Variants in SV2B observed in about 807,000 individuals in gnomAD.
SV2B encodes synaptic vesicle glycoprotein 2B.
SV2B carries 41 observed loss-of-function variants against 73.9 expected under a neutral mutation model. The ratio of observed to expected loss-of-function variants is 0.56; its 90% CI spans 0.43 to 0.72. The LOEUF (loss-of-function observed/expected upper bound fraction) is 0.72. Among genes scored for constraint, SV2B ranks in the 30% least tolerant of loss-of-function variants. The pLI, the probability that SV2B is intolerant of heterozygous loss-of-function variation, is 0.00. For synonymous variants in SV2B, 314 were observed against 314.2 expected, an observed-to-expected ratio of 1.00 and a Z score of 0.01; for missense variants, 764 against 857.8, an observed-to-expected ratio of 0.89 and a Z score of 1.37.
rs1474987974 is a variant in SV2B at position 91,236,501 on chromosome 15, G to C, written c.451+9787G>C. Among the ~76,000 whole-genome samples the C allele has an allele frequency of 2.0e-5, 3 of 152,198 alleles. No individual in the cohort carries two copies. Among genetic ancestry groups the C allele is most frequent in the Non-Finnish European group, 4.4e-5 (3 of 68,036 alleles). On this transcript the variant is annotated intron_variant, in intron 2 of 12. Coordinates refer to ENST00000394232, the MANE Select transcript of SV2B (RefSeq NM_001323032.3). The surrounding 1 kb of genome is among the most constrained non-coding windows in gnomAD (Gnocchi z 4.1). The stretch of plus-strand genomic sequence containing the variant: ...ATATTTACTGAGAATGGAGGTGGAA[G>C]TTGCAGAGTTGGGAGTGGGCTGGAA...
chr15:91,173,210 C>T (rs1331358296), intron 1 of SV2B, among the ~76,000 whole-genome samples: 1 of 152,108 alleles, frequency 6.6e-6, no homozygotes, highest in Non-Finnish European at 1.5e-5. Flanking sequence ...GCGACATGCC[C>T]TAAGGAGGTA....
chr15:91,169,461 GGA>G (rs2044042304), intron 1 of SV2B, among the ~76,000 whole-genome samples: 1 of 124,526 alleles, frequency 8.0e-6, no homozygotes, highest in Non-Finnish European at 1.6e-5. Flanking sequence ...GGCTATTTAA[GGA>G]GAACTTAGTA....
At chr15:91,221,656 G>T (rs1160700376) in intron 1 of SV2B, among the ~76,000 whole-genome samples, 1 of 142,392 alleles carries the variant, frequency 7.0e-6, no homozygotes, top group Non-Finnish European at 1.5e-5. Context: ...CTTTGTCCAG[G>T]CCTCACCTCA....
chr15:91,257,277 C>T (rs976156005), intron 4 of SV2B, among the ~76,000 whole-genome samples: 2 of 152,164 alleles, frequency 1.3e-5, no homozygotes, highest in African/African-American at 4.8e-5. Flanking sequence ...CATGACAAAT[C>T]TATGGAGGTA....
At chr15:91,133,886 G>A (rs1031505436) in intron 1 of SV2B, among the ~76,000 whole-genome samples, 1 of 152,118 alleles carries the variant, frequency 6.6e-6, no homozygotes, top group Non-Finnish European at 1.5e-5. Context: ...TGCATACTTG[G>A]AGCTCGGAAA....
chr15:91,158,487 G>A (rs1302262099), intron 1 of SV2B, among the ~76,000 whole-genome samples: 2 of 151,826 alleles, frequency 1.3e-5, no homozygotes, highest in Non-Finnish European at 2.9e-5. Flanking sequence ...AGGAAGCGGA[G>A]TGACCAGTTA....
At chr15:91,112,708 T>C (rs562049027) in intron 1 of SV2B, among the ~76,000 whole-genome samples, 9 of 152,346 alleles carry the variant, frequency 5.9e-5, no homozygotes, top group Non-Finnish European at 1.2e-4. Context: ...TTTCTCTTTT[T>C]CCTCATCATT....
rs2046627967 is a variant in SV2B, at chr15:91,232,761, C to A, written c.451+6047C>A. On this transcript the variant is annotated intron_variant, in intron 2 of 12. Coordinates refer to ENST00000394232, the MANE Select transcript of SV2B (RefSeq NM_001323032.3). This position sits in a 1 kb window ranked among gnomAD's most constrained non-coding sequence, Gnocchi z 4.7. ...ATTTTAGATTCAGTGGGTACATGTG[C>A]AGGTTTGTTACATAGATATATTGTA... 6.6e-6 allele frequency among the ~76,000 whole-genome samples: 1 copy of A among 152,084 alleles called. No individual in the cohort carries two copies. The highest frequency in any genetic ancestry group is 2.4e-5 in the African/African-American group (1 of 41,398).
At chr15:91,216,207 G>A (rs920535385) in intron 1 of SV2B, among the ~76,000 whole-genome samples, 1 of 152,162 alleles carries the variant, frequency 6.6e-6, no homozygotes, top group Non-Finnish European at 1.5e-5. Context: ...CAGCCCACGG[G>A]TTGATGTAAT....
Position 91,224,444 on chromosome 15 carries a change from C to T in SV2B, c.-391-1429C>T, listed in dbSNP as rs1241348994. On this transcript the variant is annotated intron_variant, in intron 1 of 12. Transcript: ENST00000394232. The surrounding 1 kb of genome is among the most constrained non-coding windows in gnomAD (Gnocchi z 4.9). ...GGGGCTGACGCCTAGCCCTGAGGGG[C>T]TACTCAGTGAGGCGGGGCCTCAGAG... Among the ~76,000 whole-genome samples the T allele has an allele frequency of 6.6e-6, 1 of 152,142 alleles. No homozygotes were observed. The highest frequency in any genetic ancestry group is 1.9e-4 in the East Asian group (1 of 5,192).
intron 1 of SV2B, among the ~76,000 whole-genome samples, chr15:91,192,813 C>T (rs1468659742): frequency 2.6e-5 from 4 of 152,096 alleles, no homozygotes; most frequent in South Asian, 2.1e-4. Context: ...CGATGCAGAC[C>T]TTAGGGACTG....
chr15:91,258,316 G>T lies in SV2B; in HGVS notation c.785-105G>T. Reference sequence around the variant, plus strand: ...CTGCATTTTAACCACCTCCCCGGGTGACTCTCTTGTGCCCTGAAGTTTGTG... The same window carrying T: ...CTGCATTTTAACCACCTCCCCGGGTTACTCTCTTGTGCCCTGAAGTTTGTG... On this transcript the variant is annotated intron_variant, in intron 4 of 12. Coordinates refer to ENST00000394232, the MANE Select transcript of SV2B (RefSeq NM_001323032.3). This position sits in a 1 kb window ranked among gnomAD's most constrained non-coding sequence, Gnocchi z 4.7. 1 of 1,496,670 alleles carries T rather than the reference G, an allele frequency of 6.7e-7. No individual in the cohort carries two copies. The highest frequency in any genetic ancestry group is 1.4e-5 in the South Asian group (1 of 71,510). 92.7% of individuals were successfully genotyped at this position (1,496,670 alleles called of 1,614,324 possible).
At chr15:91,230,245 A>T (rs76882980) in intron 2 of SV2B, among the ~76,000 whole-genome samples, 2 of 134,354 alleles carry the variant, frequency 1.5e-5, no homozygotes, top group South Asian at 2.3e-4. Flanking sequence ...TGTCTCATTT[A>T]AAAAAAAAAA....
chr15:91,175,852 C>G (rs990077962), intron 1 of SV2B, among the ~76,000 whole-genome samples: 3 of 150,374 alleles, frequency 2.0e-5, no homozygotes, highest in African/African-American at 7.3e-5. Flanking sequence ...TTTTTTTGTT[C>G]CCATATATGA....
At position 91,229,082 on chromosome 15, in the gene SV2B, G is replaced by T. The variant is rs1463291087; in HGVS notation, c.451+2368G>T. On this transcript the variant is annotated intron_variant, in intron 2 of 12. Coordinates refer to ENST00000394232, the MANE Select transcript of SV2B (RefSeq NM_001323032.3). This position sits in a 1 kb window ranked among gnomAD's most constrained non-coding sequence, Gnocchi z 4.3. ...CCACACCATACTGCCTTTCTCTCAC[G>T]CCTCGTTTGTGGGAAGGAGGTCATG... 6.6e-6 allele frequency among the ~76,000 whole-genome samples: 1 copy of T among 152,184 alleles called. No individual in the cohort carries two copies. The highest frequency in any genetic ancestry group is 1.5e-5 in the Non-Finnish European group (1 of 68,038).
At chr15:91,119,135 A>G (rs572631814) in intron 1 of SV2B, among the ~76,000 whole-genome samples, 1 of 152,374 alleles carries the variant, frequency 6.6e-6, no homozygotes, top group South Asian at 2.1e-4. Flanking sequence ...CAGGGAGCAT[A>G]TCTTTGCAAG....
chr15:91,275,526 A>C (rs1031900232), intron 9 of SV2B, among the ~76,000 whole-genome samples: 2 of 152,192 alleles, frequency 1.3e-5, no homozygotes, highest in Non-Finnish European at 2.9e-5. Flanking sequence ...AGAATGATTA[A>C]AAATAGAAGA....
At chr15:91,165,679 A>T (rs1241038985) in intron 1 of SV2B, among the ~76,000 whole-genome samples, 1 of 152,188 alleles carries the variant, frequency 6.6e-6, no homozygotes, top group Admixed American at 6.5e-5. Flanking sequence ...GAGGAAGGTG[A>T]TCTATCTTCA....
In SV2B at chr15:91,261,581, T is replaced by G. The variant is rs2047911440; in HGVS notation, c.1008+1172T>G. Reference sequence around the variant, plus strand: ...TGTTTTATTTCTAGGAGTAGACTCCTAGAAATAAAAGTGCTGGCTCAGAGA... The same window carrying G: ...TGTTTTATTTCTAGGAGTAGACTCCGAGAAATAAAAGTGCTGGCTCAGAGA... On this transcript the variant is annotated intron_variant, in intron 6 of 12. Coordinates refer to ENST00000394232, the MANE Select transcript of SV2B (RefSeq NM_001323032.3). The surrounding 1 kb of genome is among the most constrained non-coding windows in gnomAD (Gnocchi z 4.7). Among the ~76,000 whole-genome samples the G allele has an allele frequency of 6.6e-6, 1 of 152,170 alleles. No homozygotes were observed. The highest frequency in any genetic ancestry group is 2.1e-4 in the South Asian group (1 of 4,828).
Sources: allele counts gnomAD v4.1 joint callset (sites outside exome capture counted in the v4.1 genomes callset), GRCh38; gene constraint gnomAD v4.1.1; non-coding constraint Gnocchi (gnomAD v3.1); transcripts MANE v1.5; gene names NCBI Gene and HGNC (gene_info 2026-07-23, HGNC 2026-07-21).